The following PIK3C2G variants were observed in gnomAD, a reference collection of about 807,000 sequenced individuals.
PIK3C2G encodes phosphatidylinositol-4-phosphate 3-kinase catalytic subunit type 2 gamma, also known as phosphatidylinositol 3-kinase C2 domain-containing subunit gamma.
In PIK3C2G, 168 loss-of-function variants were observed where a neutral mutation model predicts 181.1. The ratio of observed to expected loss-of-function variants is 0.93; its 90% CI spans 0.82 to 1.05. The LOEUF (loss-of-function observed/expected upper bound fraction) is 1.05, where lower values mean the gene tolerates loss of function less well. Among genes scored for constraint, PIK3C2G ranks in the 50% least tolerant of loss-of-function variants. The pLI is 0.00. For missense variants in PIK3C2G, 1,869 were observed against 1,732.8 expected, an observed-to-expected ratio of 1.08 and a Z score of -1.40; for synonymous variants, 573 against 592.2, an observed-to-expected ratio of 0.97 and a Z score of 0.47.
intron 26 of PIK3C2G, among the ~76,000 whole-genome samples, chr12:18,558,532 T>G (rs148717051): frequency 2.6e-5 from 4 of 152,224 alleles, no homozygotes; most frequent in Non-Finnish European, 5.9e-5. Context: ...TCTTATGCAA[T>G]TGTGCCCTTT....
the PIK3C2G span, among the ~76,000 whole-genome samples, chr12:18,707,815 G>A: frequency 6.6e-6 from 1 of 152,102 alleles, no homozygotes; most frequent in African/African-American, 2.4e-5. Context: ...GTCTCATTGA[G>A]TCTCCACTGC....
At chr12:18,398,845 A>G (rs1391978476) in intron 15 of PIK3C2G, among the ~76,000 whole-genome samples, 1 of 152,232 alleles carries the variant, frequency 6.6e-6, no homozygotes, top group African/African-American at 2.4e-5. Flanking sequence ...TAACAACAGC[A>G]AAGATTTCTT....
intron 25 of PIK3C2G, among the ~76,000 whole-genome samples, chr12:18,543,573 G>A (rs1240696832): frequency 6.6e-6 from 1 of 151,880 alleles, no homozygotes; most frequent in Non-Finnish European, 1.5e-5. Flanking sequence ...TATATATGGT[G>A]TAAGGAAGGA....
intron 5 of PIK3C2G, among the ~76,000 whole-genome samples, chr12:18,298,924 C>T (rs11044015): frequency 0.08 from 12,182 of 151,722 alleles, 534 homozygotes; most frequent in Non-Finnish European, 0.093. Context: ...GTTTTCATAT[C>T]AATATCATTT....
At chr12:18,364,083 T>C (rs1280797073) in intron 12 of PIK3C2G, among the ~76,000 whole-genome samples, 1 of 152,218 alleles carries the variant, frequency 6.6e-6, no homozygotes. Flanking sequence ...CAAGGCCTTT[T>C]GTAGTGTGGC....
At chr12:18,300,312 C>T (rs1053492278) in intron 5 of PIK3C2G, among the ~76,000 whole-genome samples, 2 of 151,902 alleles carry the variant, frequency 1.3e-5, no homozygotes, top group African/African-American at 4.8e-5. Flanking sequence ...TGTACTATTT[C>T]ACATATAAAG....
At chr12:18,681,134 C>T in the PIK3C2G span, among the ~76,000 whole-genome samples, 1 of 151,986 alleles carries the variant, frequency 6.6e-6, no homozygotes, top group Non-Finnish European at 1.5e-5. Context: ...TATTGTTCAA[C>T]AAGGAAACAC....
intron 2 of PIK3C2G, among the ~76,000 whole-genome samples, chr12:18,282,969 G>T (rs1429941505): frequency 2.0e-5 from 3 of 151,470 alleles, no homozygotes; most frequent in Non-Finnish European, 4.4e-5. Flanking sequence ...CATCTATAAA[G>T]TTCCAGTTCC....
intron 1 of PIK3C2G, among the ~76,000 whole-genome samples, chr12:18,264,989 C>T (rs917216967): frequency 6.6e-6 from 1 of 152,210 alleles, no homozygotes; most frequent in Non-Finnish European, 1.5e-5. Context: ...TGAGAATTCT[C>T]TTTCTTAGAG....
chr12:18,634,150 G>A (rs1949486170), intron 31 of PIK3C2G, among the ~76,000 whole-genome samples: 1 of 152,192 alleles, frequency 6.6e-6, no homozygotes, highest in Admixed American at 6.5e-5. Flanking sequence ...AGATGCTTCA[G>A]GAGGGTGGGG....
intron 26 of PIK3C2G, among the ~76,000 whole-genome samples, chr12:18,556,689 A>T (rs1444000279): frequency 6.6e-6 from 1 of 152,158 alleles, no homozygotes; most frequent in African/African-American, 2.4e-5. Flanking sequence ...ATCATGATTA[A>T]TATTATACTC....
At chr12:18,665,874 G>A in the PIK3C2G span, among the ~76,000 whole-genome samples, 1 of 151,154 alleles carries the variant, frequency 6.6e-6, no homozygotes, top group African/African-American at 2.4e-5. Flanking sequence ...GGCAGAGGTT[G>A]CAGTGAGCCA....
At chr12:18,622,805 T>C (rs75433465) in intron 31 of PIK3C2G, among the ~76,000 whole-genome samples, 14,089 of 151,886 alleles carry the variant, frequency 0.093, 846 homozygotes, top group Non-Finnish European at 0.14. Flanking sequence ...TAATTAGTGA[T>C]GTTGAGCATT....
chr12:18,619,923 A>G (rs1459907971), intron 31 of PIK3C2G, among the ~76,000 whole-genome samples: 1 of 151,952 alleles, frequency 6.6e-6, no homozygotes, highest in Non-Finnish European at 1.5e-5. Context: ...ACAGGGTTTC[A>G]CCATGTTAGC....
intron 26 of PIK3C2G, among the ~76,000 whole-genome samples, chr12:18,548,666 G>T (rs914583349): frequency 8.2e-4 from 125 of 152,106 alleles, no homozygotes; most frequent in African/African-American, 2.9e-3. Flanking sequence ...CCTCTGCCAG[G>T]CCAATCTTCC....
At chr12:18,363,683 G>C (rs1036998633) in intron 12 of PIK3C2G, among the ~76,000 whole-genome samples, 7 of 151,968 alleles carry the variant, frequency 4.6e-5, no homozygotes, top group African/African-American at 1.7e-4. Flanking sequence ...AGATGATCTG[G>C]CTTTCTTAGA....
intron 29 of PIK3C2G, 136 bp downstream of exon 29, chr12:18,567,193 T>C (rs911333073): frequency 3.5e-6 from 2 of 571,278 alleles, no homozygotes; most frequent in Non-Finnish European, 6.2e-6. Flanking sequence ...AAGCCAGGAG[T>C]TTAAGTCAAT....
At chr12:18,473,818 AGAACTT>A (rs1938699247) in intron 18 of PIK3C2G, among the ~76,000 whole-genome samples, 1 of 152,226 alleles carries the variant, frequency 6.6e-6, no homozygotes, top group Non-Finnish European at 1.5e-5. Flanking sequence ...CTGAAGGTAC[AGAACTT>A]GAATATCCTT....
intron 26 of PIK3C2G, among the ~76,000 whole-genome samples, chr12:18,557,381 C>T (rs1243694653): frequency 6.6e-6 from 1 of 151,702 alleles, no homozygotes; most frequent in Non-Finnish European, 1.5e-5. Context: ...ACATTTAAGA[C>T]TCAGTACTTT....
Sources: allele counts gnomAD v4.1 joint callset (sites outside exome capture counted in the v4.1 genomes callset), GRCh38; gene constraint gnomAD v4.1.1; transcripts MANE v1.5; gene names NCBI Gene and HGNC (gene_info 2026-07-23, HGNC 2026-07-21).